Variants in MMP26 observed in about 807,000 individuals in gnomAD.
MMP26 encodes matrix metalloproteinase-26.
Under a neutral mutation model 31.0 loss-of-function variants are expected in MMP26, and 33 were observed. The observed-to-expected ratio is 1.06, with a 90% CI of 0.81 to 1.42. The LOEUF is 1.42. MMP26 is among the 40% of genes most tolerant of loss of function. MMP26 has a pLI of 0.00. For synonymous variants in MMP26, 122 were observed against 114.9 expected (o/e 1.06, Z -0.40); for missense variants, 347 against 316.1 (o/e 1.10, Z -0.74).
At chr11:4,808,480 G>A (rs970464448) in intron 2 of MMP26, among the ~76,000 whole-genome samples, 2 of 152,096 alleles carry the variant, frequency 1.3e-5, no homozygotes, top group African/African-American at 4.8e-5. Context: ...GGTGTGTGCT[G>A]ATTTCTCGGG....
chr11:4,991,207 G>A (rs934085507), intron 5 of MMP26, among the ~76,000 whole-genome samples, 164 bp from the exon 6 acceptor site: 8 of 152,108 alleles, frequency 5.3e-5, no homozygotes, highest in South Asian at 2.1e-4. Context: ...GGAAGATTTT[G>A]GGCCCCACCT....
chr11:4,930,902 A>G (rs1851337863), intron 2 of MMP26, among the ~76,000 whole-genome samples: 1 of 151,942 alleles, frequency 6.6e-6, no homozygotes, highest in Non-Finnish European at 1.5e-5. Context: ...GTTGTTCTCA[A>G]ATGTGTCTAA....
At chr11:4,753,245 C>T (rs1015403420) in intron 1 of MMP26, among the ~76,000 whole-genome samples, 1 of 152,112 alleles carries the variant, frequency 6.6e-6, no homozygotes, top group African/African-American at 2.4e-5. Context: ...ACTTTTATTA[C>T]CATAATTATT....
At chr11:4,833,092 C>CT (rs1407839023) in intron 2 of MMP26, 1 of 152,116 alleles carries the variant, frequency 6.6e-6, no homozygotes, top group Non-Finnish European at 1.5e-5. Context: ...GGTGGAAATT[C>CT]TATTTTTTTC....
chr11:4,766,639 G>A (rs1384786121), intron 1 of MMP26, among the ~76,000 whole-genome samples: 1 of 149,754 alleles, frequency 6.7e-6, no homozygotes, highest in African/African-American at 2.5e-5. Context: ...TGTAACAAAT[G>A]GGCTGTTTGG....
At chr11:4,742,461 T>G (rs1848327378) in intron 1 of MMP26, among the ~76,000 whole-genome samples, 1 of 152,124 alleles carries the variant, frequency 6.6e-6, no homozygotes, top group Non-Finnish European at 1.5e-5. Flanking sequence ...GATGGTTAAT[T>G]TCATGTGTCA....
At chr11:4,712,236 G>A (rs1010827291) in intron 1 of MMP26, 1 of 152,070 alleles carries the variant, frequency 6.6e-6, no homozygotes, top group Non-Finnish European at 1.5e-5. Context: ...ACAGTGAATG[G>A]GGAAGGCACA....
intron 2 of MMP26, chr11:4,907,931 G>A (rs771304599): frequency 6.2e-7 from 1 of 1,613,914 alleles, no homozygotes; most frequent in Non-Finnish European, 8.5e-7. Context: ...CATGAAGCTG[G>A]CCTGCTCTGA....
intron 2 of MMP26, among the ~76,000 whole-genome samples, chr11:4,799,513 T>C (rs1849153644): frequency 6.6e-6 from 1 of 152,148 alleles, no homozygotes. Flanking sequence ...ATGTTGGGGA[T>C]CACATTTCAA....
intron 1 of MMP26, among the ~76,000 whole-genome samples, chr11:4,721,804 CA>C (rs1190828981): frequency 6.6e-6 from 1 of 152,140 alleles, no homozygotes; most frequent in Non-Finnish European, 1.5e-5. Flanking sequence ...GTTGGGTTCA[CA>C]AAACCAAAGG....
At chr11:4,843,119 G>A (rs1047492824) in intron 2 of MMP26, among the ~76,000 whole-genome samples, 1 of 152,232 alleles carries the variant, frequency 6.6e-6, no homozygotes, top group Non-Finnish European at 1.5e-5. Context: ...AGCCCCTGCA[G>A]TTGCTTTCAC....
At chr11:4,927,844 G>A (rs1378437962) in intron 2 of MMP26, among the ~76,000 whole-genome samples, 1 of 152,094 alleles carries the variant, frequency 6.6e-6, no homozygotes, top group Non-Finnish European at 1.5e-5. Flanking sequence ...CAAGAGGCTG[G>A]GAAACCCCAA....
At chr11:4,802,885 A>G (rs1486301637) in intron 2 of MMP26, among the ~76,000 whole-genome samples, 1 of 152,148 alleles carries the variant, frequency 6.6e-6, no homozygotes, top group Non-Finnish European at 1.5e-5. Flanking sequence ...ATGGCACCTG[A>G]TATTCAACAG....
At chr11:4,856,717 C>T (rs541579445) in intron 2 of MMP26, among the ~76,000 whole-genome samples, 22 of 152,288 alleles carry the variant, frequency 1.4e-4, no homozygotes, top group African/African-American at 4.8e-4. Flanking sequence ...CTGCACCAAG[C>T]AGACCTAATA....
chr11:4,840,158 A>G (rs1289624856), intron 2 of MMP26, among the ~76,000 whole-genome samples: 3 of 152,300 alleles, frequency 2.0e-5, no homozygotes, highest in African/African-American at 7.2e-5. Flanking sequence ...CAGCTGCAGT[A>G]TAATAGAACA....
intron 2 of MMP26, among the ~76,000 whole-genome samples, chr11:4,900,685 A>C (rs1407755590): frequency 6.6e-6 from 1 of 152,132 alleles, no homozygotes; most frequent in Non-Finnish European, 1.5e-5. Context: ...TTGATCTTTT[A>C]TATAAAGATC....
intron 2 of MMP26, among the ~76,000 whole-genome samples, chr11:4,823,852 C>G (rs1411940831): frequency 1.3e-5 from 2 of 152,084 alleles, no homozygotes; most frequent in African/African-American, 4.8e-5. Flanking sequence ...AATTATTGGG[C>G]TGACTATGAG....
rs1049640157 is a variant in MMP26 at position 4,826,536 on chromosome 11, T to C, written c.-145+59195T>C. On this transcript the variant is annotated intron_variant, in intron 2 of 7. Coordinates refer to ENST00000380390, the MANE Select transcript of MMP26 (RefSeq NM_021801.5). ...AGTGGTGAAATGCTGAAGAAAGCTATGCACTGCTGGAACTGAGCCCTGGAG... is the reference window on the plus strand; with the variant it reads ...AGTGGTGAAATGCTGAAGAAAGCTACGCACTGCTGGAACTGAGCCCTGGAG... Among the ~76,000 whole-genome samples, 142 of 152,188 alleles carry C rather than the reference T, an allele frequency of 9.3e-4. 1 individual carries two copies. The highest frequency in any genetic ancestry group is 1.5e-4 in the Non-Finnish European group (10 of 67,992).
chr11:4,790,167 C>T (rs771156417), intron 2 of MMP26, among the ~76,000 whole-genome samples: 1 of 151,954 alleles, frequency 6.6e-6, no homozygotes, highest in Admixed American at 6.5e-5. Flanking sequence ...TAGTGAAACC[C>T]CGTCTCTACT....
Sources: allele counts gnomAD v4.1 joint callset (sites outside exome capture counted in the v4.1 genomes callset), GRCh38; gene constraint gnomAD v4.1.1; transcripts MANE v1.5; gene names NCBI Gene and HGNC (gene_info 2026-07-23, HGNC 2026-07-21).